The following PPP6R3 variants were observed in gnomAD, a reference collection of about 807,000 sequenced individuals.
PPP6R3 encodes serine/threonine-protein phosphatase 6 regulatory subunit 3.
In PPP6R3, 38 loss-of-function variants were observed where a neutral mutation model predicts 110.7. The observed-to-expected ratio is 0.34, with a 90% CI of 0.26 to 0.45. The LOEUF is 0.45. Ranked by LOEUF, PPP6R3 falls within the 20% of genes least tolerant of loss-of-function variation. The pLI is 1.00. For missense variants in PPP6R3, 870 were observed against 1,062.4 expected (o/e 0.82, Z 2.52); for synonymous variants, 369 against 373.5 (o/e 0.99, Z 0.14).
At chr11:68,521,523 C>G (rs1307554251) in intron 2 of PPP6R3, among the ~76,000 whole-genome samples, 3 of 152,160 alleles carry the variant, frequency 2.0e-5, no homozygotes, top group Non-Finnish European at 4.4e-5. Context: ...AGCATGCTGT[C>G]CTACACTAGA....
At chr11:68,580,588 G>T (rs2153818368) in intron 14 of PPP6R3, among the ~76,000 whole-genome samples, 1 of 152,118 alleles carries the variant, frequency 6.6e-6, no homozygotes, top group East Asian at 1.9e-4. Context: ...GATGACCGAG[G>T]TTTCTAGTTG....
At chr11:68,570,022 A>G (rs369179097) in intron 11 of PPP6R3, 125 bp downstream of exon 11, 10 of 875,458 alleles carry the variant, frequency 1.1e-5, no homozygotes, top group African/African-American at 5.1e-5. Flanking sequence ...ATATTTGACA[A>G]TCATGTGTTC....
At position 68,574,955 on chromosome 11, in the gene PPP6R3, C is replaced by T. The variant is rs559187444; in HGVS notation, c.1459+731C>T. On this transcript the variant is annotated intron_variant, in intron 13 of 23. Transcript: ENST00000393800. The stretch of plus-strand genomic sequence containing the variant: ...TTTCCCAGTGGGTCTTCCATTTTTT[C>T]TTAAGAATGTTTGTTTGTTCAAGAG... Among the ~76,000 whole-genome samples, 19 of 152,188 alleles carry T rather than the reference C, an allele frequency of 1.2e-4. No homozygotes were observed. In the East Asian group the frequency reaches 3.1e-3, roughly 25 times the overall value.
intron 2 of PPP6R3, among the ~76,000 whole-genome samples, chr11:68,523,928 T>TG (rs2099180740): frequency 6.6e-6 from 1 of 152,284 alleles, no homozygotes; most frequent in African/African-American, 2.4e-5. Flanking sequence ...GGAGAATGCG[T>TG]GGGGTTCAAC....
chr11:68,548,691 A>T (rs2099358802), intron 5 of PPP6R3, among the ~76,000 whole-genome samples: 1 of 152,196 alleles, frequency 6.6e-6, no homozygotes, highest in Non-Finnish European at 1.5e-5. Flanking sequence ...AGAGGAGCAA[A>T]GGATAAGGAG....
At chr11:68,474,590 T>C (rs1229148919) in intron 1 of PPP6R3, among the ~76,000 whole-genome samples, 3 of 152,214 alleles carry the variant, frequency 2.0e-5, no homozygotes, top group African/African-American at 4.8e-5. Flanking sequence ...TAAAACAAAT[T>C]GTAGTATTTC....
At chr11:68,518,519 T>G (rs901016074) in intron 1 of PPP6R3, among the ~76,000 whole-genome samples, 1 of 152,238 alleles carries the variant, frequency 6.6e-6, no homozygotes, top group African/African-American at 2.4e-5. Flanking sequence ...CCTTTCTGTT[T>G]TGTCTAAGGA....
chr11:68,614,470 C>A lies in PPP6R3; in HGVS notation c.*1353C>A. Reference sequence around the variant, plus strand: ...ACGTATTTTTACATCATTTGTTTTTCCTGACCAGTATTTAAAACCAAAAGG... The same window carrying A: ...ACGTATTTTTACATCATTTGTTTTTACTGACCAGTATTTAAAACCAAAAGG... On this transcript the variant is annotated 3_prime_UTR_variant, in exon 24 of 24. Coordinates refer to ENST00000393800, the MANE Select transcript of PPP6R3 (RefSeq NM_001164161.2). The A allele has an allele frequency of 7.3e-7, 1 of 1,372,598 alleles. No homozygotes were observed. Among genetic ancestry groups the A allele is most frequent in the South Asian group, 1.8e-5 (1 of 55,748 alleles). The allele number at this position is 1,372,598 out of a possible 1,614,324, so 85.0% of individuals were successfully genotyped here.
chr11:68,482,409 C>CAA (rs145649371), intron 1 of PPP6R3, among the ~76,000 whole-genome samples: 13 of 67,616 alleles, frequency 1.9e-4, no homozygotes, highest in Non-Finnish European at 2.7e-4. Flanking sequence ...GTGAGACTGC[C>CAA]AAAAAAAAAA....
At chr11:68,504,058 C>A (rs2099062450) in intron 1 of PPP6R3, among the ~76,000 whole-genome samples, 1 of 152,188 alleles carries the variant, frequency 6.6e-6, no homozygotes, top group South Asian at 2.1e-4. Context: ...AGCGCACATT[C>A]TTTGATCCAG....
chr11:68,478,552 G>A (rs2098856930), intron 1 of PPP6R3, among the ~76,000 whole-genome samples: 1 of 149,894 alleles, frequency 6.7e-6, no homozygotes, highest in Non-Finnish European at 1.5e-5. Flanking sequence ...CTCTTTTGTG[G>A]CCTTAACGTT....
At chr11:68,605,599 AT>A (rs1939209273) in intron 22 of PPP6R3, among the ~76,000 whole-genome samples, 1 of 152,250 alleles carries the variant, frequency 6.6e-6, no homozygotes. Flanking sequence ...TTTTTTAACC[AT>A]AAAAAGCCAA....
chr11:68,486,603 TA>T (rs61408861), intron 1 of PPP6R3, among the ~76,000 whole-genome samples: 2,171 of 111,654 alleles, frequency 0.019, 57 homozygotes, highest in African/African-American at 0.065. Context: ...GACTCTGTCT[TA>T]AAAAAAAAAA....
chr11:68,601,468 AAAATAAGTAAAGGTTT>A (rs2099631642), intron 20 of PPP6R3, among the ~76,000 whole-genome samples: 2 of 152,252 alleles, frequency 1.3e-5, no homozygotes, highest in Admixed American at 1.3e-4. Context: ...AGTGTGGCTG[AAAATAAGTAAAGGTTT>A]TTGTAAAACC....
At chr11:68,541,803 C>T (rs1007761437) in intron 3 of PPP6R3, among the ~76,000 whole-genome samples, 4 of 151,970 alleles carry the variant, frequency 2.6e-5, no homozygotes, top group Admixed American at 1.3e-4. Context: ...ACCCTGGAAA[C>T]CAAGGGAAGT....
intron 1 of PPP6R3, among the ~76,000 whole-genome samples, chr11:68,498,375 C>T (rs2099030438): frequency 1.3e-5 from 2 of 152,282 alleles, no homozygotes; most frequent in South Asian, 4.1e-4. Flanking sequence ...TCCCACTTCT[C>T]TTCTATATTA....
chr11:68,613,014 T>C, intron 23 of PPP6R3, 52 bp from the exon 24 acceptor site: 1 of 1,613,832 alleles, frequency 6.2e-7, no homozygotes, highest in South Asian at 1.1e-5. Flanking sequence ...GTAGGTTTTG[T>C]TTTTCATATT....
At chr11:68,575,919 T>C (rs2099529297) in intron 13 of PPP6R3, 39 bp from the exon 14 acceptor site, 2 of 1,446,186 alleles carry the variant, frequency 1.4e-6, no homozygotes, top group Non-Finnish European at 1.9e-6. Context: ...GTGGAGGTCA[T>C]TGTGGTGATA....
At chr11:68,510,686 T>G (rs1440489124) in intron 1 of PPP6R3, among the ~76,000 whole-genome samples, 1 of 152,206 alleles carries the variant, frequency 6.6e-6, no homozygotes, top group Non-Finnish European at 1.5e-5. Flanking sequence ...TGTCCATATT[T>G]TGGAGTCAAC....
Sources: gnomAD v4.1 joint callset for allele counts (sites outside exome capture counted in the v4.1 genomes callset) on GRCh38, gnomAD v4.1.1 for gene constraint, MANE v1.5 for transcripts, NCBI Gene and HGNC (gene_info 2026-07-23, HGNC 2026-07-21) for gene names.